PDE12: variants seen among roughly 807,000 people sequenced by gnomAD.
PDE12 encodes the protein phosphodiesterase 12.
A neutral mutation model predicts 45.4 loss-of-function variants in PDE12; 26 were observed. That is an observed-to-expected ratio of 0.57 (90% CI 0.42 to 0.79). The LOEUF (loss-of-function observed/expected upper bound fraction) is 0.79, where lower values mean the gene tolerates loss of function less well. PDE12 is among the 30% of genes least tolerant of loss of function. The pLI is 0.00. For synonymous variants in PDE12, 283 were observed against 323.9 expected (o/e 0.87, Z 1.36); for missense variants, 668 against 790.0 (o/e 0.85, Z 1.85).
chr3:57,594,314 TGGCCTC>T, the PDE12 span, among the ~76,000 whole-genome samples: 1 of 152,244 alleles, frequency 6.6e-6, no homozygotes, highest in Admixed American at 6.5e-5. Context: ...TTGACCAGGC[TGGCCTC>T]AATGTGATCC....
Position 57,559,298 on chromosome 3 carries a change from C to T in PDE12, c.1309-12C>T. 1 of 1,586,938 alleles carries T rather than the reference C, an allele frequency of 6.3e-7. No individual in the cohort carries two copies. The highest frequency in any genetic ancestry group is 1.1e-5 in the South Asian group (1 of 88,528). On this transcript the variant is annotated splice_polypyrimidine_tract_variant and intron_variant, in intron 1 of 2. Coordinates refer to ENST00000311180, the MANE Select transcript of PDE12 (RefSeq NM_177966.7). Reference sequence around the variant, plus strand: ...TGCCAACTGAACTCTTGGCACTTTCCGTTTATTTTAGGTTTCAGTTCTTCA... The same window carrying T: ...TGCCAACTGAACTCTTGGCACTTTCTGTTTATTTTAGGTTTCAGTTCTTCA...
At chr3:57,609,189 A>G in the PDE12 span, among the ~76,000 whole-genome samples, 125 of 152,186 alleles carry the variant, frequency 8.2e-4, 5 homozygotes, top group Non-Finnish European at 1.6e-4. Context: ...GAAACCAATG[A>G]GAACAAAGAC....
chr3:57,557,675 T>A lies in PDE12; in HGVS notation c.1296T>A (p.Ser432=), dbSNP rs754110890. The A allele has an allele frequency of 1.2e-6, 2 of 1,613,546 alleles. No homozygotes were observed. Among genetic ancestry groups the A allele is most frequent in the African/African-American group, 2.7e-5 (2 of 75,024 alleles). The change falls in exon 1 of 3, where the codon TCT becomes TCA. Residue 432 remains serine, a synonymous_variant. Transcript: ENST00000311180. ...PSAQEKVLQR[S]SVLQVSVLQS... The stretch of plus-strand genomic sequence containing the variant: ...CGCAGGAGAAGGTGCTCCAGAGATC[T>A]TCTGTTCTTCAGGTAAAGTAGTTCC...
At chr3:57,577,482 T>C in the PDE12 span, 28 of 923,598 alleles carry the variant, frequency 3.0e-5, no homozygotes, top group Non-Finnish European at 4.5e-5. Flanking sequence ...GGTTAGACAT[T>C]AGGAAGAAAA....
intron 1 of PDE12, among the ~76,000 whole-genome samples, chr3:57,557,893 A>C (rs768491485): frequency 4.6e-5 from 7 of 152,222 alleles, no homozygotes; most frequent in Non-Finnish European, 7.3e-5. Flanking sequence ...GCCATACTGC[A>C]GGTTGCCTTG....
At chr3:57,571,729 G>A (rs559736513), downstream of PDE12, 2 of 157,690 alleles carry the variant, frequency 1.3e-5, no homozygotes, top group East Asian at 1.9e-4. Context: ...CAAGAGAGCT[G>A]AGTAGTGTTT....
chr3:57,573,347 T>C, the PDE12 span, among the ~76,000 whole-genome samples: 1 of 152,150 alleles, frequency 6.6e-6, no homozygotes, highest in Non-Finnish European at 1.5e-5. Flanking sequence ...CTAGTAACTG[T>C]GTGAAAGTAT....
rs141933549 is a variant in PDE12, at chr3:57,557,129, C to T, written c.750C>T (p.Cys250=). ...TCGGGCTAAGGCTCAAGCTTCACTG[C>T]ACCCCAGGCGATGGGCAGCGCTTTG... The part of the protein sequence containing the change: ...ADIGLRLKLH[C]TPGDGQRFGH... Residue 250 remains cysteine, a synonymous_variant, in exon 1 of 3, where the codon TGC becomes TGT. Coordinates refer to ENST00000311180, the MANE Select transcript of PDE12 (RefSeq NM_177966.7). 1 of 1,613,972 alleles carries T rather than the reference C, an allele frequency of 6.2e-7. No individual in the cohort carries two copies. Among genetic ancestry groups the T allele is most frequent in the African/African-American group, 1.3e-5 (1 of 74,904 alleles).
At chr3:57,572,445 C>A in the PDE12 span, 2 of 596,654 alleles carry the variant, frequency 3.4e-6, no homozygotes, top group Non-Finnish European at 5.8e-6. Flanking sequence ...TCTGGCTGGG[C>A]GTGGTGGCTC....
Position 57,556,989 on chromosome 3 carries a change from G to A in PDE12, c.610G>A (p.Gly204Arg), listed in dbSNP as rs745425593. The change falls in exon 1 of 3, where the codon GGA becomes AGA. Residue 204 changes from glycine (G) to arginine (R), a missense_variant. Physicochemically the swap from Gly to Arg is moderately radical, Grantham distance 125. Coordinates refer to ENST00000311180, the MANE Select transcript of PDE12 (RefSeq NM_177966.7). The surrounding 1 kb of genome is among the most constrained non-coding windows in gnomAD (Gnocchi z 5.0). ...LFRWYKEAKP[G>R]AAEPEVGVPS... ...CCGCTGGTATAAGGAAGCCAAGCCCGGAGCGGCGGAGCCCGAGGTCGGTGT... is the reference window on the plus strand; with the variant it reads ...CCGCTGGTATAAGGAAGCCAAGCCCAGAGCGGCGGAGCCCGAGGTCGGTGT... 2.5e-6 allele frequency: 4 copies of A among 1,614,156 alleles called. No individual in the cohort carries two copies. The South Asian group carries it at 4.4e-5, about 18-fold the overall frequency.
the PDE12 span, among the ~76,000 whole-genome samples, chr3:57,635,635 G>A: frequency 6.6e-6 from 1 of 152,238 alleles, no homozygotes; most frequent in African/African-American, 2.4e-5. Flanking sequence ...TAGTTACATA[G>A]ATCAAACTGC....
At chr3:57,640,532 A>G in the PDE12 span, among the ~76,000 whole-genome samples, 2 of 150,170 alleles carry the variant, frequency 1.3e-5, no homozygotes, top group Non-Finnish European at 3.0e-5. Flanking sequence ...GAGCCGAGAT[A>G]GTGCCACTGT....
chr3:57,559,891 G>A lies in PDE12; in HGVS notation c.1717G>A (p.Glu573Lys). ...IFIDLNALEV[E>K]QVIPLPSHEE... ...CATTGACTTAAATGCTTTAGAGGTT[G>A]AACAGGTGATTCCATTACCTAGTCA... is the stretch of plus-strand genomic sequence containing the variant. Residue 573 changes from glutamate (E) to lysine (K), a missense_variant, in exon 3 of 3, where the codon GAA becomes AAA. By Grantham distance (56) the Glu-to-Lys change is moderately conservative. Coordinates refer to ENST00000311180, the MANE Select transcript of PDE12 (RefSeq NM_177966.7). The A allele has an allele frequency of 6.2e-7, 1 of 1,614,100 alleles. No homozygotes were observed. The highest frequency in any genetic ancestry group is 8.5e-7 in the Non-Finnish European group (1 of 1,180,028).
Position 57,560,495 on chromosome 3 carries a change from T to C in PDE12, c.*491T>C. ...CGTGCGCCAACATGTCTGGCTAATT[T>C]TTGTATTTTTAGTAGAAATGGGGTT... On this transcript the variant is annotated 3_prime_UTR_variant, in exon 3 of 3. Coordinates refer to ENST00000311180, the MANE Select transcript of PDE12 (RefSeq NM_177966.7). 1 of 432,806 alleles carries C rather than the reference T, an allele frequency of 2.3e-6. No homozygotes were observed. The highest frequency in any genetic ancestry group is 3.1e-6 in the Non-Finnish European group (1 of 324,612). The allele number at this position is 432,806 out of a possible 1,614,324, so 26.8% of individuals were successfully genotyped here. A position where few individuals can be genotyped will look rare whatever the true frequency, so the allele number is the denominator to read the frequency against.
At chr3:57,644,081 C>T in the PDE12 span, among the ~76,000 whole-genome samples, 3 of 146,812 alleles carry the variant, frequency 2.0e-5, no homozygotes, top group Admixed American at 7.0e-5. Flanking sequence ...ACCCGGGAGG[C>T]GGAGGTTGCA....
At chr3:57,613,280 TAA>T in the PDE12 span, among the ~76,000 whole-genome samples, 1 of 109,338 alleles carries the variant, frequency 9.1e-6, no homozygotes. Context: ...TGCCTGGCCA[TAA>T]AAAAAAAAAA....
chr3:57,645,744 T>A, the PDE12 span: 1 of 1,612,480 alleles, frequency 6.2e-7, no homozygotes, highest in African/African-American at 1.3e-5. Context: ...AGTACTTTAA[T>A]GGAGAAATAC....
chr3:57,590,988 T>A, the PDE12 span, among the ~76,000 whole-genome samples: 1 of 152,232 alleles, frequency 6.6e-6, no homozygotes, highest in Non-Finnish European at 1.5e-5. Flanking sequence ...GGACTTTAAT[T>A]CTCACAATAA....
chr3:57,624,593 G>A, the PDE12 span, among the ~76,000 whole-genome samples: 2,454 of 151,608 alleles, frequency 0.016, 36 homozygotes, highest in Admixed American at 0.032. Context: ...GTGAAACCCC[G>A]TCTCTACTAA....
Sources: gnomAD v4.1 joint callset for allele counts (sites outside exome capture counted in the v4.1 genomes callset) on GRCh38, gnomAD v4.1.1 for gene constraint, Gnocchi (gnomAD v3.1) non-coding constraint, MANE v1.5 for transcripts, NCBI Gene and HGNC (gene_info 2026-07-23, HGNC 2026-07-21) for gene names.